Variants in COL12A1 observed in about 807,000 individuals in gnomAD.
The protein encoded by COL12A1 is collagen type XII alpha 1 chain.
Under a neutral mutation model 349.7 loss-of-function variants are expected in COL12A1, and 114 were observed. The observed-to-expected ratio is 0.33, with a 90% CI of 0.28 to 0.38. The LOEUF is 0.38. Among genes scored for constraint, COL12A1 ranks in the 10% least tolerant of loss-of-function variants. The probability of loss-of-function intolerance (pLI) is 1.00; values close to 1 mark genes in which losing one functional copy is unlikely to be tolerated. For missense variants in COL12A1, 3,284 were observed against 3,756.9 expected, an observed-to-expected ratio of 0.87 and a Z score of 3.29; for synonymous variants, 1,369 against 1,329.0, an observed-to-expected ratio of 1.03 and a Z score of -0.66.
At chr6:75,127,070 G>A (rs892198719) in intron 38 of COL12A1, among the ~76,000 whole-genome samples, 4 of 151,934 alleles carry the variant, frequency 2.6e-5, no homozygotes, top group Non-Finnish European at 1.5e-5. Context: ...CGCAAATAAC[G>A]AATCCAACTT....
intron 30 of COL12A1, 22 bp downstream of exon 30, chr6:75,138,298 A>G (rs1158235939): frequency 6.3e-7 from 1 of 1,594,852 alleles, no homozygotes; most frequent in Admixed American, 1.7e-5. Flanking sequence ...CATTCAAACA[A>G]TTCATCAAAT....
chr6:75,111,018 A>G (rs1768813577), intron 51 of COL12A1, among the ~76,000 whole-genome samples: 1 of 151,956 alleles, frequency 6.6e-6, no homozygotes, highest in Non-Finnish European at 1.5e-5. Flanking sequence ...TTCAACACAT[A>G]CACATACACA....
intron 50 of COL12A1, 84 bp from the exon 51 acceptor site, chr6:75,113,397 A>G: frequency 2.0e-6 from 2 of 1,019,816 alleles, no homozygotes; most frequent in South Asian, 3.8e-5. Flanking sequence ...CTTGTTGGAG[A>G]GATTTCTTTA....
Position 75,183,558 on chromosome 6 carries a change from G to A in COL12A1, c.1383C>T (p.Ala461=). 3 of 1,614,070 alleles carry A rather than the reference G, an allele frequency of 1.9e-6. No homozygotes were observed. ...AACTTTTTACAAGAACTTCCAAAAAGGCTCTAACTTTAACAAAGTTTGCAA... is the reference window on the plus strand; with the variant it reads ...AACTTTTTACAAGAACTTCCAAAAAAGCTCTAACTTTAACAAAGTTTGCAA... ...IGIANFVKVR[A]FLEVLVKSFE... Residue 461 remains alanine (A), a synonymous_variant, in exon 10 of 66, where the codon GCC becomes GCT. Coordinates refer to ENST00000322507, the MANE Select transcript of COL12A1 (RefSeq NM_004370.6).
chr6:75,134,702 T>G (rs767050513), intron 32 of COL12A1, 24 bp downstream of exon 32: 2 of 1,580,070 alleles, frequency 1.3e-6, no homozygotes, highest in Non-Finnish European at 1.7e-6. Flanking sequence ...TTAAAGAAGC[T>G]ATAGGAACTC....
intron 27 of COL12A1, among the ~76,000 whole-genome samples, chr6:75,140,780 G>C (rs1766853059): frequency 6.6e-6 from 1 of 152,062 alleles, no homozygotes; most frequent in Admixed American, 6.6e-5. Flanking sequence ...TGGAAAGGAG[G>C]AAAAGGTTCC....
chr6:75,085,110 C>T lies in COL12A1; in HGVS notation c.*1437G>A. The T allele has an allele frequency of 2.6e-6, 1 of 391,552 alleles. No individual in the cohort carries two copies. Among genetic ancestry groups the T allele is most frequent in the Non-Finnish European group, 5.2e-6 (1 of 193,968 alleles). The allele number at this position is 391,552 out of a possible 1,614,324, so 24.3% of individuals were successfully genotyped here. Reference sequence around the variant, plus strand: ...GCTGGAAGAAACACCTCAGAAAAGACGTACACTGCTCTATCTGACCTGTAA... The same window carrying T: ...GCTGGAAGAAACACCTCAGAAAAGATGTACACTGCTCTATCTGACCTGTAA... On this transcript the variant is annotated 3_prime_UTR_variant, in exon 66 of 66. Coordinates refer to ENST00000322507, the MANE Select transcript of COL12A1 (RefSeq NM_004370.6).
At chr6:75,094,132 G>A (rs545632983) in intron 60 of COL12A1, among the ~76,000 whole-genome samples, 1 of 152,088 alleles carries the variant, frequency 6.6e-6, no homozygotes, top group East Asian at 1.9e-4. Context: ...TCTTTATGTT[G>A]CCTGCTTAAT....
Position 75,137,591 on chromosome 6 carries a change from T to G in COL12A1, c.5252-12A>C, listed in dbSNP as rs747721408. On this transcript the variant is annotated splice_polypyrimidine_tract_variant and intron_variant, in intron 30 of 65. Transcript: ENST00000322507. The stretch of plus-strand genomic sequence containing the variant: ...GCCACTTTTGGGAGCTGAAAGAAGA[T>G]TGTTGAAAAACTGAGTAAGCAGACA... 1.2e-6 allele frequency: 2 copies of G among 1,613,464 alleles called. No homozygotes were observed. The highest frequency in any genetic ancestry group is 3.3e-5 in the Admixed American group (2 of 59,962).
intron 27 of COL12A1, among the ~76,000 whole-genome samples, chr6:75,140,349 A>G (rs946486525): frequency 6.6e-6 from 1 of 152,184 alleles, no homozygotes; most frequent in South Asian, 2.1e-4. Context: ...AGAAGTGGTT[A>G]TGTCTGAAGT....
chr6:75,135,657 A>G (rs1035361161), intron 31 of COL12A1, among the ~76,000 whole-genome samples: 1 of 152,236 alleles, frequency 6.6e-6, no homozygotes, highest in African/African-American at 2.4e-5. Flanking sequence ...TGGATGTGCT[A>G]GAACAAACCA....
At chr6:75,118,706 G>A (rs2149365543) in intron 46 of COL12A1, among the ~76,000 whole-genome samples, 1 of 152,280 alleles carries the variant, frequency 6.6e-6, no homozygotes, top group East Asian at 1.9e-4. Flanking sequence ...TCCTTGCACA[G>A]GAAGCAGTAT....
chr6:75,174,673 A>G (rs1768822937), intron 13 of COL12A1, among the ~76,000 whole-genome samples: 1 of 152,252 alleles, frequency 6.6e-6, no homozygotes, highest in South Asian at 2.1e-4. Flanking sequence ...AGATAGAACT[A>G]GCTGCATAAA....
chr6:75,106,093 A>G (rs1274526392), intron 53 of COL12A1, among the ~76,000 whole-genome samples: 7 of 152,188 alleles, frequency 4.6e-5, no homozygotes, highest in Non-Finnish European at 7.3e-5. Flanking sequence ...TCATCCAGAA[A>G]GGTGCTGGCT....
intron 8 of COL12A1, among the ~76,000 whole-genome samples, chr6:75,185,750 T>C (rs140842496): frequency 5.3e-4 from 81 of 152,302 alleles, no homozygotes; most frequent in Non-Finnish European, 1.0e-3. Context: ...AACAGCATAG[T>C]ACTGGTACAG....
chr6:75,195,272 C>A (rs901490720), intron 2 of COL12A1, among the ~76,000 whole-genome samples: 1 of 152,114 alleles, frequency 6.6e-6, no homozygotes, highest in Non-Finnish European at 1.5e-5. Flanking sequence ...CATATAATAA[C>A]CACATATGCA....
intron 51 of COL12A1, among the ~76,000 whole-genome samples, chr6:75,112,585 C>T (rs1398674138): frequency 6.6e-6 from 1 of 151,536 alleles, no homozygotes; most frequent in East Asian, 1.9e-4. Flanking sequence ...AATAGACAAT[C>T]CCTAGAATGC....
intron 3 of COL12A1, 67 bp from the exon 4 acceptor site, chr6:75,192,422 T>C (rs866672469): frequency 2.0e-5 from 28 of 1,404,060 alleles, no homozygotes; most frequent in Middle Eastern, 2.1e-4. Flanking sequence ...CAATACATTG[T>C]AATTCCCAGA....
At position 75,147,689 on chromosome 6, in the gene COL12A1, C is replaced by G. The variant is rs1412943646; in HGVS notation, c.4403G>C (p.Gly1468Ala). ...ATCTGACTCACAGGTTTTTTCTGTC[C>G]CCTTCAGAGGCTCACTATATTCATC... ...VEDEYSEPLK[G>A]TEKTLPVPVV... The change falls in exon 23 of 66, where the codon GGG becomes GCG. Residue 1468 changes from glycine to alanine, a missense_variant. Gly to Ala is a moderately conservative substitution (Grantham distance 60, BLOSUM62 0). This residue lies in a region of COL12A1 where 2,601 missense variants were observed against 2,824.8 expected (regional missense o/e 0.92). Transcript: ENST00000322507. 1 of 1,601,994 alleles carries G rather than the reference C, an allele frequency of 6.2e-7. No individual in the cohort carries two copies. Among genetic ancestry groups the G allele is most frequent in the African/African-American group, 1.3e-5 (1 of 74,132 alleles).
Sources: allele counts gnomAD v4.1 joint callset (sites outside exome capture counted in the v4.1 genomes callset), GRCh38; gene constraint gnomAD v4.1.1; regional missense constraint gnomAD v4.1.1; transcripts MANE v1.5; gene names NCBI Gene and HGNC (gene_info 2026-07-23, HGNC 2026-07-21).